The following FOXO1 variants were observed in gnomAD, a reference collection of about 807,000 sequenced individuals.
The protein encoded by FOXO1 is forkhead box protein O1.
In FOXO1, 6 loss-of-function variants were observed where a neutral mutation model predicts 44.1. The observed-to-expected ratio is 0.14, with a 90% confidence interval of 0.07 to 0.27. FOXO1 has a LOEUF of 0.27. FOXO1 is among the 10% of genes least tolerant of loss of function. The pLI is 1.00. For synonymous variants in FOXO1, 380 were observed against 362.7 expected (o/e 1.05, Z -0.54); for missense variants, 737 against 888.8 (o/e 0.83, Z 2.17).
intron 1 of FOXO1, among the ~76,000 whole-genome samples, chr13:40,570,473 C>T (rs765763779): frequency 6.6e-6 from 1 of 152,090 alleles, no homozygotes; most frequent in Non-Finnish European, 1.5e-5. Flanking sequence ...CCCACAAGAC[C>T]GGGGGCAGAA....
chr13:40,593,023 T>C (rs1875442243), intron 1 of FOXO1, among the ~76,000 whole-genome samples: 1 of 152,126 alleles, frequency 6.6e-6, no homozygotes, highest in African/African-American at 2.4e-5. Flanking sequence ...TGGGGGCTTT[T>C]TTGTTTTGTT....
At position 40,665,961 on chromosome 13, in the gene FOXO1, C is replaced by G; in HGVS notation, c.252G>C (p.Pro84=). ...LSLLEESEDF[P]QAPGSVAAAV... The stretch of plus-strand genomic sequence containing the variant: ...CCGCCGCCACGGAGCCGGGCGCCTG[C>G]GGGAAGTCCTCGCTCTCCTCCAGCA... The change falls in exon 1 of 3, where the codon CCG becomes CCC. Residue 84 remains proline (P), a synonymous_variant. Transcript: ENST00000379561. The G allele has an allele frequency of 3.3e-6, 4 of 1,229,462 alleles. No homozygotes were observed. Among genetic ancestry groups the G allele is most frequent in the Non-Finnish European group, 4.0e-6 (4 of 988,980 alleles). The allele number at this position is 1,229,462 out of a possible 1,614,324, so 76.2% of individuals were successfully genotyped here. A position where few individuals can be genotyped will look rare whatever the true frequency, so the allele number is the denominator to read the frequency against.
chr13:40,597,013 A>T (rs1228899572), intron 1 of FOXO1, among the ~76,000 whole-genome samples: 1 of 152,190 alleles, frequency 6.6e-6, no homozygotes, highest in Non-Finnish European at 1.5e-5. Context: ...CATCAAGAAG[A>T]ATGTGTCCTT....
intron 1 of FOXO1, among the ~76,000 whole-genome samples, chr13:40,623,197 T>C (rs1876673098): frequency 6.6e-6 from 1 of 152,100 alleles, no homozygotes; most frequent in African/African-American, 2.4e-5. Context: ...ACAGCCATTA[T>C]ATTGAGATGC....
chr13:40,647,753 T>G (rs1313705405), intron 1 of FOXO1, among the ~76,000 whole-genome samples: 1 of 152,120 alleles, frequency 6.6e-6, no homozygotes, highest in Non-Finnish European at 1.5e-5. Context: ...CCTAGAAGGA[T>G]GGGGGGAAGC....
At chr13:40,620,512 G>T in intron 1 of FOXO1, 1 of 494,694 alleles carries the variant, frequency 2.0e-6, no homozygotes, top group Non-Finnish European at 3.8e-6. Context: ...AGTACTCTAA[G>T]GGAGGGTTCA....
chr13:40,650,693 T>C (rs1877651396), intron 1 of FOXO1, among the ~76,000 whole-genome samples: 1 of 152,188 alleles, frequency 6.6e-6, no homozygotes, highest in Admixed American at 6.5e-5. Flanking sequence ...AATCATGCTT[T>C]TTAAATTGTT....
intron 1 of FOXO1, among the ~76,000 whole-genome samples, chr13:40,591,335 G>A (rs1411475002): frequency 6.6e-6 from 1 of 152,188 alleles, no homozygotes; most frequent in Non-Finnish European, 1.5e-5. Flanking sequence ...ACCATGAGGA[G>A]GTCTAGGCAG....
chr13:40,600,350 T>C (rs1034860405), intron 1 of FOXO1, among the ~76,000 whole-genome samples: 1 of 152,112 alleles, frequency 6.6e-6, no homozygotes, highest in Non-Finnish European at 1.5e-5. Context: ...GCTGAACCAG[T>C]CAGAAGGCAT....
chr13:40,588,378 C>T (rs1467272518), intron 1 of FOXO1, among the ~76,000 whole-genome samples: 3 of 152,156 alleles, frequency 2.0e-5, no homozygotes, highest in Non-Finnish European at 4.4e-5. Context: ...AACAAAATTC[C>T]CTGCCTACCT....
At chr13:40,635,177 C>T (rs945484927) in intron 1 of FOXO1, among the ~76,000 whole-genome samples, 4 of 149,746 alleles carry the variant, frequency 2.7e-5, no homozygotes, top group Non-Finnish European at 5.9e-5. Flanking sequence ...ACAAAGAAAT[C>T]GTAATACCTA....
chr13:40,640,388 A>ACT (rs926228552), intron 1 of FOXO1, among the ~76,000 whole-genome samples: 1 of 151,936 alleles, frequency 6.6e-6, no homozygotes, highest in Admixed American at 6.6e-5. Flanking sequence ...ACTACACTAC[A>ACT]CTCTCTCTCT....
rs202030645 is a variant in FOXO1, at chr13:40,666,242, G to A, written c.-30C>T. 14,193 of 1,371,756 alleles carry A rather than the reference G, an allele frequency of 0.01. 107 individuals carry two copies. The highest frequency in any genetic ancestry group is 0.018 in the Middle Eastern group (68 of 3,872). 85.0% of individuals were successfully genotyped at this position (1,371,756 alleles called of 1,614,324 possible). ...ACCCCCGCCCCTCCCCCAGCCGCAG[G>A]AGAGCCAAGAGGGGGAGAACGCAGC... is the stretch of plus-strand genomic sequence containing the variant. On this transcript the variant is annotated 5_prime_UTR_variant, in exon 1 of 3. Transcript: ENST00000379561.
At chr13:40,643,805 G>T (rs1222518181) in intron 1 of FOXO1, among the ~76,000 whole-genome samples, 2 of 148,436 alleles carry the variant, frequency 1.3e-5, no homozygotes, top group Non-Finnish European at 2.9e-5. Context: ...TTTGGCTAAT[G>T]CTATTGCTGT....
intron 1 of FOXO1, among the ~76,000 whole-genome samples, chr13:40,602,793 G>C (rs1341569551): frequency 6.6e-6 from 1 of 152,158 alleles, no homozygotes; most frequent in African/African-American, 2.4e-5. Context: ...TTTAGGTATA[G>C]GTTAGCAGCA....
intron 1 of FOXO1, among the ~76,000 whole-genome samples, chr13:40,615,782 C>T (rs1481132608): frequency 1.3e-5 from 2 of 152,022 alleles, no homozygotes; most frequent in African/African-American, 2.4e-5. Flanking sequence ...GGATGCATGG[C>T]GTGAAAGGAG....
rs111227466 is a variant in FOXO1, at chr13:40,597,554, G to C, written c.631-36694C>G. The stretch of plus-strand genomic sequence containing the variant: ...GGCCCTTAGTCATGGCTTCAACAAG[G>C]TCCTGTGCCAAAATGGTAAATGGCA... On this transcript the variant is annotated intron_variant, in intron 1 of 2. Coordinates refer to ENST00000379561, the MANE Select transcript of FOXO1 (RefSeq NM_002015.4). Among the ~76,000 whole-genome samples, 10 of 152,286 alleles carry C rather than the reference G, an allele frequency of 6.6e-5. 1 individual carries two copies. Among genetic ancestry groups the C allele is most frequent in the African/African-American group, 2.4e-4 (10 of 41,556 alleles).
intron 1 of FOXO1, among the ~76,000 whole-genome samples, chr13:40,660,195 A>G (rs1199423412): frequency 2.6e-5 from 4 of 152,210 alleles, no homozygotes; most frequent in Non-Finnish European, 4.4e-5. Flanking sequence ...AAGTCTCTGC[A>G]AGTTGTTGCT....
At chr13:40,630,464 G>A (rs554956332) in intron 1 of FOXO1, among the ~76,000 whole-genome samples, 4 of 152,170 alleles carry the variant, frequency 2.6e-5, no homozygotes, top group Non-Finnish European at 5.9e-5. Flanking sequence ...GACCAGCCTG[G>A]CCAACATGGT....
Sources: gnomAD v4.1 joint callset for allele counts (sites outside exome capture counted in the v4.1 genomes callset) on GRCh38, gnomAD v4.1.1 for gene constraint, MANE v1.5 for transcripts, NCBI Gene and HGNC (gene_info 2026-07-23, HGNC 2026-07-21) for gene names.